The following PKD2 variants were observed in gnomAD, a reference collection of about 807,000 sequenced individuals.
PKD2 encodes the protein polycystin 2, transient receptor potential cation channel.
Under a neutral mutation model 105.9 loss-of-function variants are expected in PKD2, and 48 were observed. The observed-to-expected ratio is 0.45, with a 90% CI of 0.36 to 0.58. The LOEUF is 0.58. Among genes scored for constraint, PKD2 ranks in the 20% least tolerant of loss-of-function variants. The probability of loss-of-function intolerance (pLI) is 0.00; values close to 1 mark genes in which losing one functional copy is unlikely to be tolerated. For missense variants in PKD2, 1,078 were observed against 1,255.3 expected, an observed-to-expected ratio of 0.86 and a Z score of 2.13; for synonymous variants, 464 against 481.1, an observed-to-expected ratio of 0.96 and a Z score of 0.46.
chr4:88,024,293 C>G (rs1053651089), intron 2 of PKD2, among the ~76,000 whole-genome samples: 3 of 151,316 alleles, frequency 2.0e-5, no homozygotes, highest in African/African-American at 7.3e-5. Flanking sequence ...CTCGTCTCTA[C>G]AAGATATACA....
chr4:88,046,838 T>G lies in PKD2; in HGVS notation c.1516T>G (p.Phe506Val), dbSNP rs768723527. 1.4e-5 allele frequency: 23 copies of G among 1,610,098 alleles called. No individual in the cohort carries two copies. The highest frequency in any genetic ancestry group is 1.9e-5 in the Non-Finnish European group (22 of 1,176,430). The change falls in exon 6 of 15, where the codon TTC becomes GTC. Residue 506 changes from phenylalanine (F) to valine (V), a missense_variant. Transcript: ENST00000237596. ...RIHKLHYFRS[F>V]WNCLDVVIVV... ...TCACAAACTACACTATTTCAGGAGTTTCTGGAATTGTCTGGATGTTGTGAT... is the reference window on the plus strand; with the variant it reads ...TCACAAACTACACTATTTCAGGAGTGTCTGGAATTGTCTGGATGTTGTGAT...
intron 8 of PKD2, among the ~76,000 whole-genome samples, chr4:88,056,816 G>T (rs992735705): frequency 6.6e-6 from 1 of 152,002 alleles, no homozygotes; most frequent in East Asian, 1.9e-4. Flanking sequence ...GAAGTAATAG[G>T]GTTTTGTGCA....
chr4:88,045,578 A>G, intron 5 of PKD2, among the ~76,000 whole-genome samples: 1 of 152,174 alleles, frequency 6.6e-6, no homozygotes, highest in East Asian at 1.9e-4. Context: ...GCAGCTAGAG[A>G]TTCTATTTCT....
At chr4:88,072,676 T>C (rs1261694877) in intron 13 of PKD2, among the ~76,000 whole-genome samples, 2 of 152,198 alleles carry the variant, frequency 1.3e-5, no homozygotes, top group Middle Eastern at 3.4e-3. Context: ...GGGAACTGAG[T>C]GGAAGAAGAG....
intron 2 of PKD2, among the ~76,000 whole-genome samples, chr4:88,029,022 A>C (rs1030618205): frequency 6.6e-6 from 1 of 152,178 alleles, no homozygotes; most frequent in Admixed American, 6.5e-5. Context: ...CTGGATTAAA[A>C]GATTTGGGGG....
intron 2 of PKD2, among the ~76,000 whole-genome samples, chr4:88,035,727 G>A (rs1238942622): frequency 6.6e-6 from 1 of 152,192 alleles, no homozygotes; most frequent in Non-Finnish European, 1.5e-5. Context: ...GCACAGAACA[G>A]GGCAGAGAAG....
intron 6 of PKD2, among the ~76,000 whole-genome samples, chr4:88,047,329 G>C (rs1326307260): frequency 1.3e-5 from 2 of 152,092 alleles, no homozygotes; most frequent in African/African-American, 4.8e-5. Context: ...GGCCAAGGCA[G>C]GAGGATCACT....
chr4:88,055,339 A>G (rs1332178162), intron 7 of PKD2, among the ~76,000 whole-genome samples: 1 of 152,216 alleles, frequency 6.6e-6, no homozygotes, highest in East Asian at 1.9e-4. Flanking sequence ...ATTAATTTTT[A>G]TTTGTGTGAA....
chr4:88,029,442 G>T (rs562484455), intron 2 of PKD2, among the ~76,000 whole-genome samples: 46 of 151,994 alleles, frequency 3.0e-4, no homozygotes, highest in African/African-American at 1.1e-3. Context: ...CTCTCTCATT[G>T]GTAACATGCC....
rs1358527224 is a variant in PKD2 at position 88,065,387 on chromosome 4, C to G, written c.2132C>G (p.Ala711Gly). Reference protein sequence around the residue: ...SDLIRKGYHKALVKLKLKKNT... With the variant: ...SDLIRKGYHKGLVKLKLKKNT... ...TCTCTCTGATAGGGCTACCATAAAG[C>G]TTTGGTCAAACTAAAACTGAAAAAA... The change falls in exon 11 of 15, where the codon GCT becomes GGT. Residue 711 changes from alanine to glycine, a missense_variant. Ala to Gly is a moderately conservative substitution (Grantham distance 60). This residue lies in a region of PKD2 where 868 missense variants were observed against 1,067.3 expected (regional missense o/e 0.81). Coordinates refer to ENST00000237596, the MANE Select transcript of PKD2 (RefSeq NM_000297.4). The G allele has an allele frequency of 6.2e-7, 1 of 1,611,642 alleles. No individual in the cohort carries two copies. The highest frequency in any genetic ancestry group is 1.3e-5 in the African/African-American group (1 of 74,844).
chr4:88,054,709 C>CAGTG (rs1346434510), intron 7 of PKD2, among the ~76,000 whole-genome samples: 3 of 137,408 alleles, frequency 2.2e-5, no homozygotes, highest in Non-Finnish European at 3.0e-5. Flanking sequence ...GGCTGGAGTG[C>CAGTG]AGTGGCACAA....
chr4:88,048,664 T>C (rs1431759453), intron 6 of PKD2, among the ~76,000 whole-genome samples: 1 of 152,158 alleles, frequency 6.6e-6, no homozygotes, highest in Non-Finnish European at 1.5e-5. Flanking sequence ...TAAAAATTCC[T>C]GTAGAATAGA....
intron 13 of PKD2, among the ~76,000 whole-genome samples, chr4:88,071,746 C>G (rs1384531012): frequency 6.6e-6 from 1 of 152,144 alleles, no homozygotes; most frequent in Non-Finnish European, 1.5e-5. Context: ...GCAGCTGTGG[C>G]CATGTACGTA....
chr4:88,076,328 A>T lies in PKD2; in HGVS notation c.*634A>T, dbSNP rs974294922. On this transcript the variant is annotated 3_prime_UTR_variant, in exon 15 of 15. Transcript: ENST00000237596. ...TGATGTCTGTGGGACTAACTGTATC[A>T]CTTAATTTTTACCTTATTTTGGCTC... 2.6e-5 allele frequency: 4 copies of T among 152,600 alleles called. No individual in the cohort carries two copies. Among genetic ancestry groups the T allele is most frequent in the Admixed American group, 6.5e-5 (1 of 15,322 alleles). 9.5% of individuals were successfully genotyped at this position (152,600 alleles called of 1,614,324 possible).
intron 7 of PKD2, among the ~76,000 whole-genome samples, chr4:88,054,438 T>G (rs1335373035): frequency 1.3e-5 from 2 of 151,642 alleles, no homozygotes; most frequent in Non-Finnish European, 2.9e-5. Context: ...ATTGGGATTG[T>G]ATTAAGTAAT....
intron 13 of PKD2, among the ~76,000 whole-genome samples, chr4:88,069,145 C>CT (rs1448299014): frequency 2.0e-5 from 3 of 152,042 alleles, no homozygotes; most frequent in African/African-American, 7.2e-5. Flanking sequence ...CATGATAAAT[C>CT]TTTTTCCATC....
chr4:88,063,445 C>T (rs1720655968), intron 10 of PKD2, among the ~76,000 whole-genome samples: 2 of 151,702 alleles, frequency 1.3e-5, no homozygotes, highest in Admixed American at 1.3e-4. Flanking sequence ...GCAGGAGAAT[C>T]GCTTGCACCT....
chr4:88,053,970 A>G (rs1003255016), intron 7 of PKD2, among the ~76,000 whole-genome samples: 20 of 152,202 alleles, frequency 1.3e-4, no homozygotes, highest in African/African-American at 4.3e-4. Flanking sequence ...GAATTTAGAT[A>G]TCCACACATG....
At chr4:88,039,325 C>T (rs1727464921) in intron 4 of PKD2, among the ~76,000 whole-genome samples, 1 of 152,102 alleles carries the variant, frequency 6.6e-6, no homozygotes, top group Admixed American at 6.6e-5. Context: ...CTTGTACCTT[C>T]CAGTATACAC....
Sources: gnomAD v4.1 joint callset for allele counts (sites outside exome capture counted in the v4.1 genomes callset) on GRCh38, gnomAD v4.1.1 for gene constraint, gnomAD v4.1.1 regional missense constraint, MANE v1.5 for transcripts, NCBI Gene and HGNC (gene_info 2026-07-23, HGNC 2026-07-21) for gene names.